Variants in NRP2 observed in about 807,000 individuals in gnomAD.
The protein encoded by NRP2 is neuropilin-2.
NRP2 carries 52 observed loss-of-function variants against 110.4 expected under a neutral mutation model. The ratio of observed to expected loss-of-function variants is 0.47; its 90% CI spans 0.38 to 0.59. NRP2 has a LOEUF of 0.59. NRP2 is among the 20% of genes least tolerant of loss of function. NRP2 has a pLI of 0.00. For synonymous variants in NRP2, 508 were observed against 468.9 expected, an observed-to-expected ratio of 1.08 and a Z score of -1.08; for missense variants, 1,049 against 1,203.0, an observed-to-expected ratio of 0.87 and a Z score of 1.89.
intron 15 of NRP2, among the ~76,000 whole-genome samples, chr2:205,785,127 T>C (rs927597311): frequency 3.3e-5 from 5 of 152,234 alleles, no homozygotes; most frequent in African/African-American, 1.2e-4. Context: ...CAGTTTCTTT[T>C]CAAGGACCTA....
At chr2:205,785,736 G>A (rs560886909) in intron 15 of NRP2, among the ~76,000 whole-genome samples, 1 of 152,168 alleles carries the variant, frequency 6.6e-6, no homozygotes, top group East Asian at 1.9e-4. Flanking sequence ...CTGCTCATCC[G>A]CCTCCACACT....
At position 205,721,618 on chromosome 2, in the gene NRP2, C is replaced by G. The variant is rs545787937; in HGVS notation, c.434-860C>G. ...CTCCTGTTCCTGCTCCTGCTGCCATCCAAGCTCGCACCAGGATGCGAATGT... is the reference window on the plus strand; with the variant it reads ...CTCCTGTTCCTGCTCCTGCTGCCATGCAAGCTCGCACCAGGATGCGAATGT... On this transcript the variant is annotated intron_variant, in intron 3 of 16. Coordinates refer to ENST00000357785, the MANE Select transcript of NRP2 (RefSeq NM_003872.3). 1.6e-4 allele frequency among the ~76,000 whole-genome samples: 25 copies of G among 152,282 alleles called. No homozygotes were observed. The South Asian group carries it at 5.0e-3, about 30-fold the overall frequency.
At chr2:205,746,185 G>C (rs541038434) in intron 10 of NRP2, among the ~76,000 whole-genome samples, 1 of 152,254 alleles carries the variant, frequency 6.6e-6, no homozygotes, top group South Asian at 2.1e-4. Flanking sequence ...TTAGACCCTG[G>C]CTCTTCAGGC....
chr2:205,707,433 G>T (rs2056703046), intron 2 of NRP2, among the ~76,000 whole-genome samples: 2 of 152,178 alleles, frequency 1.3e-5, no homozygotes, highest in Non-Finnish European at 2.9e-5. Flanking sequence ...GTTTGCCCCT[G>T]GAGCCAGGAG....
At chr2:205,707,694 G>A (rs752735321) in intron 2 of NRP2, among the ~76,000 whole-genome samples, 18 of 152,192 alleles carry the variant, frequency 1.2e-4, no homozygotes, top group Non-Finnish European at 2.4e-4. Context: ...GGATTCCCTG[G>A]TGCCCAGTAC....
intron 1 of NRP2, among the ~76,000 whole-genome samples, chr2:205,692,973 G>C (rs1354328432): frequency 6.6e-6 from 1 of 152,158 alleles, no homozygotes; most frequent in Non-Finnish European, 1.5e-5. Context: ...CTAGTGGTGA[G>C]ACTAGACTTG....
intron 7 of NRP2, among the ~76,000 whole-genome samples, chr2:205,733,740 C>G (rs952454812): frequency 6.6e-6 from 1 of 152,084 alleles, no homozygotes; most frequent in Non-Finnish European, 1.5e-5. Flanking sequence ...TGACTGTTCC[C>G]CCCAAGCCCG....
At position 205,740,634 on chromosome 2, in the gene NRP2, G is replaced by T; in HGVS notation, c.1262G>T (p.Arg421Leu). Residue 421 changes from arginine (R) to leucine (L), a missense_variant, in exon 8 of 17, where the codon CGG becomes CTG. Arg to Leu is a moderately radical substitution (Grantham distance 102, BLOSUM62 -2). Transcript: ENST00000357785. ...PQTWHSGIAL[R>L]LELFGCRVTD... ...ACCTGGCACTCAGGTATCGCCCTCC[G>T]GCTGGAGCTCTTCGGCTGCCGGGTC... 1.2e-6 allele frequency: 2 copies of T among 1,614,170 alleles called. No homozygotes were observed. Among genetic ancestry groups the T allele is most frequent in the Non-Finnish European group, 1.7e-6 (2 of 1,180,044 alleles).
At chr2:205,766,905 A>T in intron 15 of NRP2, 102 bp downstream of exon 15, 1 of 1,096,464 alleles carries the variant, frequency 9.1e-7, no homozygotes, top group Non-Finnish European at 1.4e-6. Flanking sequence ...AAATTTGTCA[A>T]ATCTCGCAAG....
intron 2 of NRP2, among the ~76,000 whole-genome samples, chr2:205,706,211 G>A (rs62172961): frequency 2.6e-5 from 4 of 152,018 alleles, no homozygotes; most frequent in Admixed American, 6.6e-5. Context: ...GAGAGAATTC[G>A]CCTGCCTTTA....
intron 2 of NRP2, among the ~76,000 whole-genome samples, chr2:205,714,641 G>C (rs1321543503): frequency 6.6e-6 from 1 of 152,112 alleles, no homozygotes; most frequent in Non-Finnish European, 1.5e-5. Flanking sequence ...CCAACCTCAC[G>C]GTCTTCTCAA....
At chr2:205,749,908 G>C in intron 11 of NRP2, 67 bp downstream of exon 11, 1 of 1,279,992 alleles carries the variant, frequency 7.8e-7, no homozygotes, top group Non-Finnish European at 1.1e-6. Context: ...GCCTGTGGCT[G>C]GACAGGGACC....
chr2:205,693,873 A>G (rs1175510072), intron 1 of NRP2, among the ~76,000 whole-genome samples: 1 of 152,238 alleles, frequency 6.6e-6, no homozygotes, highest in African/African-American at 2.4e-5. Context: ...AGCTATAGTA[A>G]TCAGATTATC....
At chr2:205,723,988 G>A in intron 5 of NRP2, 48 bp downstream of exon 5, 1 of 1,608,312 alleles carries the variant, frequency 6.2e-7, no homozygotes. Context: ...CGTCAGGGCT[G>A]TGAGGGTGTA....
intron 2 of NRP2, among the ~76,000 whole-genome samples, chr2:205,698,843 G>T (rs1280103954): frequency 6.6e-6 from 1 of 152,182 alleles, no homozygotes; most frequent in Non-Finnish European, 1.5e-5. Flanking sequence ...TGCAAATACT[G>T]AAAAATTAAT....
intron 15 of NRP2, among the ~76,000 whole-genome samples, chr2:205,783,502 AC>A: frequency 6.6e-6 from 1 of 152,254 alleles, no homozygotes. Context: ...CCAGAGGTAA[AC>A]CTACACACCA....
intron 3 of NRP2, among the ~76,000 whole-genome samples, chr2:205,720,625 G>A (rs2056991560): frequency 6.6e-6 from 1 of 152,208 alleles, no homozygotes; most frequent in South Asian, 2.1e-4. Context: ...CAGCTGAGTG[G>A]CCCGCATGAA....
At chr2:205,776,056 G>A in intron 15 of NRP2, 2 of 745,754 alleles carry the variant, frequency 2.7e-6, no homozygotes, top group East Asian at 2.5e-5. Context: ...CTCCCAAGGG[G>A]GTAAGTAGGA....
At position 205,765,369 on chromosome 2, in the gene NRP2, T is replaced by C. The variant is rs184912194; in HGVS notation, c.2308-105T>C. On this transcript the variant is annotated intron_variant, in intron 13 of 16. Transcript: ENST00000357785. The stretch of plus-strand genomic sequence containing the variant: ...GCAATAACACACACACACACACACA[T>C]ACACACACACGCTTTAAGCTGCAGC... The C allele has an allele frequency of 8.7e-4, 620 of 710,238 alleles. 3 individuals are homozygous for C. In the African/African-American group the frequency reaches 0.011, roughly 12 times the overall value. 44.0% of individuals were successfully genotyped at this position (710,238 alleles called of 1,614,324 possible).
Sources: allele counts gnomAD v4.1 joint callset (sites outside exome capture counted in the v4.1 genomes callset), GRCh38; gene constraint gnomAD v4.1.1; transcripts MANE v1.5; gene names NCBI Gene and HGNC (gene_info 2026-07-23, HGNC 2026-07-21).